Variants in KCNG3 observed in about 807,000 individuals in gnomAD.
The protein encoded by KCNG3 is potassium voltage-gated channel modifier subfamily G member 3, also known as voltage-gated potassium channel regulatory subunit KCNG3.
Under a neutral mutation model 29.0 loss-of-function variants are expected in KCNG3, and 15 were observed. The ratio of observed to expected loss-of-function variants is 0.52; its 90% CI spans 0.35 to 0.80. The LOEUF is 0.80. Among genes scored for constraint, KCNG3 ranks in the 30% least tolerant of loss-of-function variants. The pLI, the probability that KCNG3 is intolerant of heterozygous loss-of-function variation, is 0.01. For missense variants in KCNG3, 512 were observed against 605.7 expected (o/e 0.85, Z 1.62); for synonymous variants, 322 against 248.9 (o/e 1.29, Z -2.76).
chr2:42,482,904 C>G (rs758442346), intron 1 of KCNG3, among the ~76,000 whole-genome samples: 2 of 152,058 alleles, frequency 1.3e-5, no homozygotes, highest in Non-Finnish European at 1.5e-5. Flanking sequence ...ATGGATCACT[C>G]AAGTCCAGGA....
the KCNG3 span, among the ~76,000 whole-genome samples, chr2:42,404,652 C>T: frequency 1.3e-5 from 2 of 151,906 alleles, no homozygotes; most frequent in South Asian, 2.1e-4. Context: ...TGCTTCAGCC[C>T]GGGAGGCGGA....
intron 1 of KCNG3, among the ~76,000 whole-genome samples, chr2:42,483,035 C>T (rs949041379): frequency 2.0e-5 from 3 of 151,954 alleles, no homozygotes; most frequent in Admixed American, 6.6e-5. Flanking sequence ...GTGGGAGGAT[C>T]GCCAGAGCCA....
the KCNG3 span, among the ~76,000 whole-genome samples, chr2:42,416,469 G>A: frequency 1.6e-4 from 25 of 152,060 alleles, no homozygotes; most frequent in Admixed American, 1.5e-3. Context: ...ACAACCTAAA[G>A]ATCATGAAAA....
chr2:42,444,295 T>C lies in KCNG3; in HGVS notation c.950A>G (p.Lys317Arg), dbSNP rs770570658. 19 of 1,613,974 alleles carry C rather than the reference T, an allele frequency of 1.2e-5. No homozygotes were observed. The East Asian group carries it at 3.1e-4, about 26-fold the overall frequency. ...IGLQTLGLTL[K>R]RCYREMVMLL... ...CATAACCATCTCTCGGTAGCAACGT[T>C]TGAGAGTCAAACCGAGTGTCTGAAG... Residue 317 changes from lysine (K) to arginine (R), a missense_variant, in exon 2 of 2, where the codon AAA becomes AGA. By Grantham distance (26) the Lys-to-Arg change is conservative. Around this residue, in one of 5 missense-constraint regions of KCNG3, gnomAD observed 173 missense variants for 262.4 expected, o/e 0.66. Coordinates refer to ENST00000306078, the MANE Select transcript of KCNG3 (RefSeq NM_133329.6). The surrounding 1 kb of genome is among the most constrained non-coding windows in gnomAD (Gnocchi z 5.8).
intron 1 of KCNG3, among the ~76,000 whole-genome samples, chr2:42,481,493 C>T (rs1362180917): frequency 6.6e-6 from 1 of 152,178 alleles, no homozygotes; most frequent in Non-Finnish European, 1.5e-5. Flanking sequence ...GTCTATACTC[C>T]ACATGCAGAC....
At chr2:42,420,828 G>A in the KCNG3 span, among the ~76,000 whole-genome samples, 7 of 152,056 alleles carry the variant, frequency 4.6e-5, no homozygotes, top group African/African-American at 1.7e-4. Flanking sequence ...AACAGGGCCA[G>A]CACTCTCAGT....
chr2:42,431,815 A>C, the KCNG3 span, among the ~76,000 whole-genome samples: 1 of 152,148 alleles, frequency 6.6e-6, no homozygotes, highest in Non-Finnish European at 1.5e-5. Context: ...ACGTGGGCGG[A>C]TCACCTGAGG....
chr2:42,492,957 A>AT lies in KCNG3; in HGVS notation c.544dup (p.Ile182AsnfsTer27). On this transcript the variant is annotated frameshift_variant, in exon 1 of 2. Coordinates refer to ENST00000306078, the MANE Select transcript of KCNG3 (RefSeq NM_133329.6). LOFTEE classifies it high-confidence loss of function. Reference sequence around the variant, plus strand: ...GGCGCACAGCACCACCATGGACACGATCACGAACACCACCGACACGCTAGC... The same window carrying AT: ...GGCGCACAGCACCACCATGGACACGATTCACGAACACCACCGACACGCTAGC... The AT allele has an allele frequency of 6.3e-7, 1 of 1,582,506 alleles. No homozygotes were observed. Among genetic ancestry groups the AT allele is most frequent in the South Asian group, 1.2e-5 (1 of 86,906 alleles).
rs1229795268 is a variant in KCNG3, at chr2:42,444,944, T to C, written c.666-365A>G. The stretch of plus-strand genomic sequence containing the variant: ...AGCTGGGCTTGGTGACACACACCTG[T>C]AGTACCACCTACCTGGGAGGCTAAG... On this transcript the variant is annotated intron_variant, in intron 1 of 1. Coordinates refer to ENST00000306078, the MANE Select transcript of KCNG3 (RefSeq NM_133329.6). The surrounding 1 kb of genome is among the most constrained non-coding windows in gnomAD (Gnocchi z 5.8). Among the ~76,000 whole-genome samples, 4 of 151,642 alleles carry C rather than the reference T, an allele frequency of 2.6e-5. No individual in the cohort carries two copies. The highest frequency in any genetic ancestry group is 5.9e-5 in the Non-Finnish European group (4 of 67,930).
chr2:42,434,062 C>A, the KCNG3 span, among the ~76,000 whole-genome samples: 1 of 152,060 alleles, frequency 6.6e-6, no homozygotes, highest in Non-Finnish European at 1.5e-5. Context: ...AAGATGCTAC[C>A]CCCTAATTTA....
chr2:42,434,776 A>T, the KCNG3 span, among the ~76,000 whole-genome samples: 1 of 152,044 alleles, frequency 6.6e-6, no homozygotes, highest in Non-Finnish European at 1.5e-5. Context: ...CAACACATAG[A>T]TCACTAGAAT....
At chr2:42,471,440 G>C (rs1408321951) in intron 1 of KCNG3, among the ~76,000 whole-genome samples, 1 of 152,062 alleles carries the variant, frequency 6.6e-6, no homozygotes. Flanking sequence ...GAAATGTCCA[G>C]AATAGGCAAA....
downstream of KCNG3, among the ~76,000 whole-genome samples, chr2:42,441,542 C>T (rs1026595086): frequency 2.8e-4 from 42 of 151,922 alleles, no homozygotes; most frequent in African/African-American, 1.0e-3. Flanking sequence ...CACGTCTCAT[C>T]GTCTCCTTAT....
intron 1 of KCNG3, among the ~76,000 whole-genome samples, chr2:42,464,761 G>C (rs1673099948): frequency 6.6e-6 from 1 of 152,118 alleles, no homozygotes; most frequent in African/African-American, 2.4e-5. Flanking sequence ...CCTTATCTTA[G>C]GTCCACTAGC....
Position 42,444,087 on chromosome 2 carries a change from T to C in KCNG3, c.1158A>G (p.Gly386=). ...YGDMYPITVP[G]RILGGVCVVS... ...CAACACAAACTCCTCCAAGAATTCT[T>C]CCAGGCACTGTGATAGGATACATAT... Residue 386 remains glycine, a synonymous_variant, in exon 2 of 2, where the codon GGA becomes GGG. Coordinates refer to ENST00000306078, the MANE Select transcript of KCNG3 (RefSeq NM_133329.6). This position sits in a 1 kb window ranked among gnomAD's most constrained non-coding sequence, Gnocchi z 5.8. 6.2e-7 allele frequency: 1 copy of C among 1,614,166 alleles called. No individual in the cohort carries two copies.
Position 42,442,809 on chromosome 2 carries a change from T to C in KCNG3, c.*1125A>G, listed in dbSNP as rs776272204. The C allele has an allele frequency of 6.6e-6, 1 of 152,218 alleles. No individual in the cohort carries two copies. Among genetic ancestry groups the C allele is most frequent in the Non-Finnish European group, 1.5e-5 (1 of 68,034 alleles). The allele number at this position is 152,218 out of a possible 1,614,324, so 9.4% of individuals were successfully genotyped here. ...TAACATGGCATATTAGTCAGTATTCTTACAAGAAGAGTTTTGGTGTAGCTG... is the reference window on the plus strand; with the variant it reads ...TAACATGGCATATTAGTCAGTATTCCTACAAGAAGAGTTTTGGTGTAGCTG... On this transcript the variant is annotated 3_prime_UTR_variant, in exon 2 of 2. Coordinates refer to ENST00000306078, the MANE Select transcript of KCNG3 (RefSeq NM_133329.6).
intron 1 of KCNG3, among the ~76,000 whole-genome samples, chr2:42,449,327 T>A (rs1288928562): frequency 1.3e-5 from 2 of 152,208 alleles, no homozygotes; most frequent in Admixed American, 6.5e-5. Flanking sequence ...AAAATTTGAA[T>A]TTCAGTGGCC....
intron 1 of KCNG3, among the ~76,000 whole-genome samples, chr2:42,470,643 G>C (rs1161743656): frequency 6.6e-6 from 1 of 151,188 alleles, no homozygotes; most frequent in East Asian, 2.0e-4. Context: ...GGGAGGCTGA[G>C]GCAGGCAGAT....
chr2:42,405,701 G>A, the KCNG3 span, among the ~76,000 whole-genome samples: 7 of 151,936 alleles, frequency 4.6e-5, no homozygotes, highest in East Asian at 1.9e-4. Context: ...TCCGCCTCCC[G>A]GGTTCACGCC....
Sources: allele counts gnomAD v4.1 joint callset (sites outside exome capture counted in the v4.1 genomes callset), GRCh38; gene constraint gnomAD v4.1.1; regional missense constraint gnomAD v4.1.1; non-coding constraint Gnocchi (gnomAD v3.1); transcripts MANE v1.5; gene names NCBI Gene and HGNC (gene_info 2026-07-23, HGNC 2026-07-21).